Variants in SDC2 observed in about 807,000 individuals in gnomAD.
SDC2 encodes the protein syndecan 2.
SDC2 carries 13 observed loss-of-function variants against 22.2 expected under a neutral mutation model. The ratio of observed to expected loss-of-function variants is 0.59; its 90% CI spans 0.38 to 0.93. The LOEUF is 0.93. SDC2 is among the 40% of genes least tolerant of loss of function. SDC2 has a pLI of 0.00. For missense variants in SDC2, 235 were observed against 246.8 expected, an observed-to-expected ratio of 0.95 and a Z score of 0.32; for synonymous variants, 94 against 92.8, an observed-to-expected ratio of 1.01 and a Z score of -0.07.
At chr8:96,511,069 C>G (rs1219209703) in intron 1 of SDC2, among the ~76,000 whole-genome samples, 1 of 152,142 alleles carries the variant, frequency 6.6e-6, no homozygotes, top group Non-Finnish European at 1.5e-5. Context: ...TTCTGGGCCT[C>G]TCTGCAGACT....
At chr8:96,496,171 A>T (rs1813072097) in intron 1 of SDC2, among the ~76,000 whole-genome samples, 1 of 152,092 alleles carries the variant, frequency 6.6e-6, no homozygotes, top group African/African-American at 2.4e-5. Flanking sequence ...GATTCTGGAG[A>T]AAGAATGTTT....
At chr8:96,603,707 T>C (rs1815030609) in intron 3 of SDC2, among the ~76,000 whole-genome samples, 1 of 152,158 alleles carries the variant, frequency 6.6e-6, no homozygotes, top group African/African-American at 2.4e-5. Flanking sequence ...GTGACTGGAA[T>C]GGTGAATGGC....
At chr8:96,580,775 C>T (rs1036012722) in intron 1 of SDC2, among the ~76,000 whole-genome samples, 15 of 152,128 alleles carry the variant, frequency 9.9e-5, no homozygotes, top group Non-Finnish European at 2.9e-5. Flanking sequence ...GCGGGGTGCT[C>T]ATTGCCATTG....
intron 1 of SDC2, among the ~76,000 whole-genome samples, chr8:96,575,160 C>A (rs1368133569): frequency 6.6e-6 from 1 of 152,274 alleles, no homozygotes; most frequent in African/African-American, 2.4e-5. Context: ...AACCCCTGTT[C>A]TAGACAACCA....
chr8:96,592,881 C>T (rs1172773530), intron 1 of SDC2, among the ~76,000 whole-genome samples: 5 of 152,254 alleles, frequency 3.3e-5, no homozygotes, highest in South Asian at 2.1e-4. Flanking sequence ...TGCTCCTCTC[C>T]GGGCACTGTG....
chr8:96,568,134 G>T (rs1324491926), intron 1 of SDC2, among the ~76,000 whole-genome samples: 2 of 152,184 alleles, frequency 1.3e-5, no homozygotes, highest in African/African-American at 4.8e-5. Context: ...CTGTTACAAA[G>T]TTATAGGAGG....
intron 1 of SDC2, among the ~76,000 whole-genome samples, chr8:96,540,994 T>G (rs1298261044): frequency 6.6e-6 from 1 of 152,222 alleles, no homozygotes; most frequent in African/African-American, 2.4e-5. Flanking sequence ...TCTAAGAGAT[T>G]TGAAATTCTG....
chr8:96,504,806 G>T (rs1813214038), intron 1 of SDC2, among the ~76,000 whole-genome samples: 1 of 151,784 alleles, frequency 6.6e-6, no homozygotes, highest in African/African-American at 2.4e-5. Flanking sequence ...TATTTTTTTT[G>T]TGTGTGTGAG....
At chr8:96,496,368 A>G (rs1813075345) in intron 1 of SDC2, among the ~76,000 whole-genome samples, 1 of 152,226 alleles carries the variant, frequency 6.6e-6, no homozygotes, top group Admixed American at 6.5e-5. Context: ...TCATTGTGAT[A>G]GACACTGTTT....
At position 96,574,216 on chromosome 8, in the gene SDC2, A is replaced by T. The variant is rs865967459; in HGVS notation, c.61-19264A>T. On this transcript the variant is annotated intron_variant, in intron 1 of 4. Coordinates refer to ENST00000302190, the MANE Select transcript of SDC2 (RefSeq NM_002998.4). ...GGTCTCGCAAGTCTCTAGCCTTTCT[A>T]AGGGGTTGGCAAGGCTGGACACAGA... 7.9e-5 allele frequency among the ~76,000 whole-genome samples: 12 copies of T among 152,120 alleles called. 1 individual carries two copies. The highest frequency in any genetic ancestry group is 3.4e-3 in the Middle Eastern group (1 of 294).
At chr8:96,594,442 AGT>A (rs1269344285) in intron 2 of SDC2, among the ~76,000 whole-genome samples, 2 of 152,198 alleles carry the variant, frequency 1.3e-5, no homozygotes, top group Admixed American at 1.3e-4. Context: ...AGCAAGTAGA[AGT>A]GTGCAAAGCC....
chr8:96,546,675 A>T (rs1813938395), intron 1 of SDC2, among the ~76,000 whole-genome samples: 2 of 152,212 alleles, frequency 1.3e-5, no homozygotes, highest in South Asian at 4.1e-4. Flanking sequence ...CAGCTGAAGT[A>T]CACAGAGAGG....
At chr8:96,571,020 C>T (rs1326532773) in intron 1 of SDC2, among the ~76,000 whole-genome samples, 1 of 152,170 alleles carries the variant, frequency 6.6e-6, no homozygotes, top group East Asian at 1.9e-4. Context: ...ATACTGAATG[C>T]CGCTGAACTA....
At position 96,604,660 on chromosome 8, in the gene SDC2, G is replaced by A. The variant is rs147239501; in HGVS notation, c.306+2132G>A. On this transcript the variant is annotated intron_variant, in intron 3 of 4. Coordinates refer to ENST00000302190, the MANE Select transcript of SDC2 (RefSeq NM_002998.4). ...TTACGGATATCCTATCTAGTTTGTTGTAAATTTAAGTGACTAAAATGCACA... is the reference window on the plus strand; with the variant it reads ...TTACGGATATCCTATCTAGTTTGTTATAAATTTAAGTGACTAAAATGCACA... Among the ~76,000 whole-genome samples, 17 of 152,166 alleles carry A rather than the reference G, an allele frequency of 1.1e-4. No individual in the cohort carries two copies. In the East Asian group the frequency reaches 3.1e-3, roughly 28 times the overall value.
chr8:96,593,468 T>A lies in SDC2; in HGVS notation c.61-12T>A. The A allele has an allele frequency of 6.3e-7, 1 of 1,587,442 alleles. No individual in the cohort carries two copies. Among genetic ancestry groups the A allele is most frequent in the Non-Finnish European group, 8.7e-7 (1 of 1,156,046 alleles). On this transcript the variant is annotated splice_polypyrimidine_tract_variant and intron_variant, in intron 1 of 4. Transcript: ENST00000302190. ...TCTCAACATCCTGACTCCCTTGTCT[T>A]TCCTTTCTCAGAGAGCAGAGCTGAC... is the stretch of plus-strand genomic sequence containing the variant.
At chr8:96,539,020 C>T (rs568911678) in intron 1 of SDC2, among the ~76,000 whole-genome samples, 1 of 152,324 alleles carries the variant, frequency 6.6e-6, no homozygotes, top group South Asian at 2.1e-4. Context: ...TTCCTTTAAT[C>T]TGTATGTGTT....
chr8:96,513,639 T>G (rs1252672085), intron 1 of SDC2, among the ~76,000 whole-genome samples: 2 of 152,230 alleles, frequency 1.3e-5, no homozygotes, highest in Non-Finnish European at 2.9e-5. Context: ...AAACATCTTT[T>G]GGTAGTATCA....
intron 1 of SDC2, among the ~76,000 whole-genome samples, chr8:96,536,818 AT>A (rs1450995190): frequency 6.6e-6 from 1 of 152,182 alleles, no homozygotes; most frequent in Non-Finnish European, 1.5e-5. Context: ...CTTAGGGTTG[AT>A]TACCTATGCT....
intron 1 of SDC2, among the ~76,000 whole-genome samples, chr8:96,568,798 A>G (rs1814341928): frequency 6.6e-6 from 1 of 152,178 alleles, no homozygotes; most frequent in Admixed American, 6.5e-5. Context: ...TTCAATAAAC[A>G]TGTATTGCTT....
Sources: allele counts gnomAD v4.1 joint callset (sites outside exome capture counted in the v4.1 genomes callset), GRCh38; gene constraint gnomAD v4.1.1; transcripts MANE v1.5; gene names NCBI Gene and HGNC (gene_info 2026-07-23, HGNC 2026-07-21).